The following TPPP variants were observed in gnomAD, a reference collection of about 807,000 sequenced individuals.
TPPP encodes tubulin polymerization-promoting protein.
Under a neutral mutation model 15.5 loss-of-function variants are expected in TPPP, and 6 were observed. The observed-to-expected ratio is 0.39, with a 90% confidence interval of 0.21 to 0.77. The LOEUF (loss-of-function observed/expected upper bound fraction) is 0.77, where lower values mean the gene tolerates loss of function less well. Among genes scored for constraint, TPPP ranks in the 30% least tolerant of loss-of-function variants. The pLI is 0.42. For missense variants in TPPP, 269 were observed against 307.2 expected (o/e 0.88, Z 0.93); for synonymous variants, 146 against 133.9 (o/e 1.09, Z -0.63).
chr5:672,934 T>TAAAC (rs1400374428), intron 2 of TPPP, among the ~76,000 whole-genome samples: 1 of 152,216 alleles, frequency 6.6e-6, no homozygotes, highest in East Asian at 1.9e-4. Flanking sequence ...CAACGAGGAC[T>TAAAC]AAACAAAGGC....
intron 2 of TPPP, among the ~76,000 whole-genome samples, chr5:673,562 C>T (rs1424857062): frequency 6.6e-6 from 1 of 152,194 alleles, no homozygotes; most frequent in Non-Finnish European, 1.5e-5. Flanking sequence ...ACACGGCGCC[C>T]ACTCACGGTG....
At chr5:675,040 G>T (rs1403945185) in intron 2 of TPPP, among the ~76,000 whole-genome samples, 2 of 96,920 alleles carry the variant, frequency 2.1e-5, no homozygotes, top group Admixed American at 1.1e-4. Context: ...AGTGAGGGGG[G>T]TACAGTATGG....
intron 2 of TPPP, among the ~76,000 whole-genome samples, chr5:667,549 A>G (rs571331046): frequency 6.6e-6 from 1 of 152,292 alleles, no homozygotes; most frequent in East Asian, 1.9e-4. Flanking sequence ...TATAGTGGAA[A>G]AAATGGATGA....
chr5:671,031 C>T (rs1225225749), intron 2 of TPPP, among the ~76,000 whole-genome samples: 2 of 152,176 alleles, frequency 1.3e-5, no homozygotes, highest in Non-Finnish European at 2.9e-5. Flanking sequence ...CCAGGGCCCT[C>T]CCATTGCTGC....
At chr5:693,118 G>A (rs1162458437) in intron 1 of TPPP, among the ~76,000 whole-genome samples, 160 bp downstream of exon 1, 1 of 96,122 alleles carries the variant, frequency 1.0e-5, no homozygotes, top group Non-Finnish European at 2.4e-5. Flanking sequence ...ATCCCAATCC[G>A]GGGGCTCAGG....
At chr5:677,665 C>A (rs372912779) in intron 2 of TPPP, 85 bp downstream of exon 2, 4 of 1,324,746 alleles carry the variant, frequency 3.0e-6, no homozygotes, top group Non-Finnish European at 3.1e-6. Context: ...CCCCATGGCC[C>A]GCTCCCCACA....
intron 2 of TPPP, among the ~76,000 whole-genome samples, chr5:675,662 CTGAG>C (rs1325052886): frequency 2.0e-5 from 3 of 151,916 alleles, no homozygotes; most frequent in Non-Finnish European, 4.4e-5. Flanking sequence ...CCCTCGAGGG[CTGAG>C]CCCCAGCCCT....
chr5:682,552 G>A (rs1422094603), intron 1 of TPPP, among the ~76,000 whole-genome samples: 1 of 151,102 alleles, frequency 6.6e-6, no homozygotes, highest in African/African-American at 2.4e-5. Context: ...ACTAGGACCT[G>A]GGGTCTGTCA....
intron 2 of TPPP, among the ~76,000 whole-genome samples, chr5:671,722 TCTGCGGAAG>T (rs1356042651): frequency 6.6e-6 from 1 of 152,166 alleles, no homozygotes; most frequent in Non-Finnish European, 1.5e-5. Flanking sequence ...GGGGCTCCAC[TCTGCGGAAG>T]CCACGTTCAT....
rs193205988 is a variant in TPPP at position 670,647 on chromosome 5, C to T, written c.312-4524G>A. On this transcript the variant is annotated intron_variant, in intron 2 of 3. Coordinates refer to ENST00000360578, the MANE Select transcript of TPPP (RefSeq NM_007030.3). ...TGTCTGGCATCGCCATCCTGCACGTCGCTCCGAGTTCTCACTGCTCCAGGA... is the reference window on the plus strand; with the variant it reads ...TGTCTGGCATCGCCATCCTGCACGTTGCTCCGAGTTCTCACTGCTCCAGGA... 2.1e-3 allele frequency among the ~76,000 whole-genome samples: 318 copies of T among 152,260 alleles called. 1 individual carries two copies. Among genetic ancestry groups the T allele is most frequent in the African/African-American group, 7.3e-3 (305 of 41,556 alleles).
upstream of TPPP, among the ~76,000 whole-genome samples, chr5:696,875 TG>T (rs1579205904): frequency 4.1e-5 from 4 of 96,432 alleles, no homozygotes; most frequent in East Asian, 8.8e-4. Context: ...TGTGTCTATT[TG>T]TGTGTCTCTG....
intron 2 of TPPP, among the ~76,000 whole-genome samples, chr5:676,981 G>GACGCAGAAACGCGCACACGTGCAC (rs368217459): frequency 1.7e-4 from 19 of 111,516 alleles, no homozygotes; most frequent in South Asian, 1.6e-3. Context: ...ACGCACACAC[G>GACGCAGAAACGCGCACACGTGCAC]ACGCAGAAAC....
rs551768316 is a variant in TPPP at position 685,431 on chromosome 5, G to A, written c.-4-7367C>T. Among the ~76,000 whole-genome samples, 36 of 152,318 alleles carry A rather than the reference G, an allele frequency of 2.4e-4. 1 individual carries two copies. In the South Asian group the frequency reaches 7.0e-3, roughly 30 times the overall value. On this transcript the variant is annotated intron_variant, in intron 1 of 3. Transcript: ENST00000360578. ...CCGGCCATCCTGCACTGGGCCACTC[G>A]GGACCCCTGCCACTCACCACAACCG... is the stretch of plus-strand genomic sequence containing the variant.
Position 679,802 on chromosome 5 carries a change from G to A in TPPP, c.-4-1738C>T, listed in dbSNP as rs370643848. On this transcript the variant is annotated intron_variant, in intron 1 of 3. Coordinates refer to ENST00000360578, the MANE Select transcript of TPPP (RefSeq NM_007030.3). ...TGAGAACCTGCACCCCGTGGGGCCC[G>A]CCTGGGAGCAAAGGGATGAGGGAAG... is the stretch of plus-strand genomic sequence containing the variant. Among the ~76,000 whole-genome samples, 87 of 151,390 alleles carry A rather than the reference G, an allele frequency of 5.7e-4. No homozygotes were observed. In the South Asian group the frequency reaches 0.016, roughly 29 times the overall value.
At chr5:672,122 G>C (rs1005006426) in intron 2 of TPPP, among the ~76,000 whole-genome samples, 3 of 152,234 alleles carry the variant, frequency 2.0e-5, no homozygotes, top group African/African-American at 7.2e-5. Flanking sequence ...GTTGGCTTCC[G>C]TACTGGGAAC....
At chr5:695,642 C>T (rs1475458650), upstream of TPPP, among the ~76,000 whole-genome samples, 2 of 151,642 alleles carry the variant, frequency 1.3e-5, no homozygotes. Context: ...TGGGTGGTGG[C>T]CGCATGGCTC....
At position 660,811 on chromosome 5, in the gene TPPP, G is replaced by C. The variant is rs750036788; in HGVS notation, c.*4291C>G. ...GATGGGGGCTGGGGTAGGAGGTGAT[G>C]CCCACGCAGGGCTGCTGTGGTCAGC... is the stretch of plus-strand genomic sequence containing the variant. On this transcript the variant is annotated 3_prime_UTR_variant, in exon 4 of 4. Coordinates refer to ENST00000360578, the MANE Select transcript of TPPP (RefSeq NM_007030.3). 5.3e-5 allele frequency: 8 copies of C among 152,298 alleles called. No homozygotes were observed. The highest frequency in any genetic ancestry group is 8.8e-5 in the Non-Finnish European group (6 of 68,076). The allele number at this position is 152,298 out of a possible 1,614,324, so 9.4% of individuals were successfully genotyped here.
In TPPP at chr5:665,055, T is replaced by A; in HGVS notation, c.*47A>T. On this transcript the variant is annotated 3_prime_UTR_variant, in exon 4 of 4. Transcript: ENST00000360578. The stretch of plus-strand genomic sequence containing the variant: ...TGTAATGAAGTGCGAGGTGACAGAG[T>A]CCCTGCTCTGGGGACACCGGCAGTG... The A allele has an allele frequency of 6.3e-7, 1 of 1,575,840 alleles. No homozygotes were observed. The highest frequency in any genetic ancestry group is 8.6e-7 in the Non-Finnish European group (1 of 1,163,322).
chr5:665,948 C>A (rs1203744628), intron 3 of TPPP, 22 bp downstream of exon 3: 1 of 1,519,946 alleles, frequency 6.6e-7, no homozygotes, highest in Non-Finnish European at 8.8e-7. Flanking sequence ...CAGGCCCCGC[C>A]TTCCATCCCC....
Sources: gnomAD v4.1 joint callset for allele counts (sites outside exome capture counted in the v4.1 genomes callset) on GRCh38, gnomAD v4.1.1 for gene constraint, MANE v1.5 for transcripts, NCBI Gene and HGNC (gene_info 2026-07-23, HGNC 2026-07-21) for gene names.